Variants in SLC41A2 observed in about 807,000 individuals in gnomAD.
SLC41A2 encodes SLC41A1-like 1.
SLC41A2 carries 32 observed loss-of-function variants against 58.3 expected under a neutral mutation model. The ratio of observed to expected loss-of-function variants is 0.55; its 90% CI spans 0.41 to 0.74. SLC41A2 has a LOEUF of 0.74. Ranked by LOEUF, SLC41A2 falls within the 30% of genes least tolerant of loss-of-function variation. SLC41A2 has a pLI of 0.00. For synonymous variants in SLC41A2, 190 were observed against 235.0 expected (o/e 0.81, Z 1.75); for missense variants, 514 against 680.6 (o/e 0.76, Z 2.72).
At chr12:104,886,529 C>T in intron 5 of SLC41A2, 90 bp from the exon 6 acceptor site, 1 of 1,340,118 alleles carries the variant, frequency 7.5e-7, no homozygotes, top group Non-Finnish European at 1.0e-6. Context: ...AGAAAAACAG[C>T]ATATCAATTC....
intron 3 of SLC41A2, among the ~76,000 whole-genome samples, chr12:104,906,995 TTTTC>T (rs1481735944): frequency 6.6e-6 from 1 of 152,190 alleles, no homozygotes; most frequent in Non-Finnish European, 1.5e-5. Flanking sequence ...TCCTGTTTGA[TTTTC>T]TTTACTTCCC....
intron 8 of SLC41A2, among the ~76,000 whole-genome samples, chr12:104,858,244 A>G (rs1167064343): frequency 3.9e-5 from 6 of 152,212 alleles, no homozygotes; most frequent in Non-Finnish European, 8.8e-5. Flanking sequence ...ATGAACACAG[A>G]TATGCCTTAA....
chr12:104,870,507 T>C (rs1380729347), intron 6 of SLC41A2, among the ~76,000 whole-genome samples: 3 of 152,232 alleles, frequency 2.0e-5, no homozygotes, highest in East Asian at 1.9e-4. Flanking sequence ...AGATAACTAA[T>C]ACATGCATAT....
At chr12:104,956,517 A>G (rs896012030) in intron 1 of SLC41A2, among the ~76,000 whole-genome samples, 2 of 152,134 alleles carry the variant, frequency 1.3e-5, no homozygotes, top group Admixed American at 6.5e-5. Flanking sequence ...CGTCTCTACT[A>G]AAAATACAAA....
intron 1 of SLC41A2, chr12:104,951,377 T>G (rs967106572): frequency 1.3e-5 from 2 of 152,332 alleles, no homozygotes; most frequent in East Asian, 3.9e-4. Flanking sequence ...AAAATTTGAT[T>G]TTGGCATTCC....
At chr12:104,878,104 G>A (rs2044145488) in intron 6 of SLC41A2, among the ~76,000 whole-genome samples, 1 of 151,710 alleles carries the variant, frequency 6.6e-6, no homozygotes, top group Non-Finnish European at 1.5e-5. Context: ...GAATCTCATA[G>A]TACTTAATTC....
chr12:104,849,038 C>T (rs1194104756), intron 8 of SLC41A2, among the ~76,000 whole-genome samples: 1 of 151,986 alleles, frequency 6.6e-6, no homozygotes, highest in Non-Finnish European at 1.5e-5. Context: ...AATTTGATCC[C>T]CACTCATATC....
intron 2 of SLC41A2, among the ~76,000 whole-genome samples, chr12:104,927,736 G>A (rs2046899994): frequency 6.6e-6 from 1 of 152,094 alleles, no homozygotes; most frequent in Non-Finnish European, 1.5e-5. Flanking sequence ...TCCAAGGTCT[G>A]TAGAGAAGAG....
chr12:104,917,523 C>G (rs2046381285), intron 2 of SLC41A2, among the ~76,000 whole-genome samples: 1 of 151,912 alleles, frequency 6.6e-6, no homozygotes, highest in South Asian at 2.1e-4. Context: ...GACACATGCA[C>G]ATGTATGTTT....
chr12:104,911,426 GATAT>G (rs1429589800), intron 2 of SLC41A2, among the ~76,000 whole-genome samples: 2 of 151,818 alleles, frequency 1.3e-5, no homozygotes, highest in Non-Finnish European at 2.9e-5. Flanking sequence ...AGATATTAAA[GATAT>G]ATATAAAGAT....
intron 6 of SLC41A2, among the ~76,000 whole-genome samples, chr12:104,871,817 G>T (rs1283397146): frequency 6.6e-6 from 1 of 152,096 alleles, no homozygotes; most frequent in Non-Finnish European, 1.5e-5. Flanking sequence ...GTGCTACAAA[G>T]AAATAAAATA....
intron 1 of SLC41A2, 78 bp from the exon 2 acceptor site, chr12:104,928,772 A>T (rs887627104): frequency 6.2e-6 from 2 of 321,682 alleles, no homozygotes; most frequent in Non-Finnish European, 1.1e-5. Context: ...CAATTCTTAT[A>T]AAGGTATTAA....
At chr12:104,872,678 C>T (rs1197252484) in intron 6 of SLC41A2, among the ~76,000 whole-genome samples, 3 of 151,520 alleles carry the variant, frequency 2.0e-5, no homozygotes, top group Admixed American at 6.6e-5. Context: ...TGCAGTGAGC[C>T]GAGATCACAC....
At chr12:104,885,544 T>C (rs2044614625) in intron 6 of SLC41A2, among the ~76,000 whole-genome samples, 1 of 152,196 alleles carries the variant, frequency 6.6e-6, no homozygotes, top group Admixed American at 6.5e-5. Context: ...TATACTCATG[T>C]TTTTTTCTTG....
At position 104,804,171 on chromosome 12, in the gene SLC41A2, A is replaced by AAT. The variant is rs1347900827; in HGVS notation, c.*979_*980dup. On this transcript the variant is annotated 3_prime_UTR_variant, in exon 11 of 11. Transcript: ENST00000258538. ...AAAAAAAAAAAAAAAAAAAAAAAAG[A>AAT]ATATAGGTAACAAATAGTAAATTCT... 1 of 142,006 alleles carries AAT rather than the reference A, an allele frequency of 7.0e-6. No homozygotes were observed. The highest frequency in any genetic ancestry group is 2.6e-5 in the African/African-American group (1 of 38,052). The allele number at this position is 142,006 out of a possible 1,614,324, so 8.8% of individuals were successfully genotyped here.
chr12:104,825,157 G>A (rs1025741314), intron 10 of SLC41A2, among the ~76,000 whole-genome samples: 3 of 152,188 alleles, frequency 2.0e-5, no homozygotes, highest in Non-Finnish European at 2.9e-5. Flanking sequence ...GCCACCAAAG[G>A]TGCAAATCAG....
At chr12:104,853,934 T>TTTTA (rs1412379027) in intron 8 of SLC41A2, among the ~76,000 whole-genome samples, 1 of 141,780 alleles carries the variant, frequency 7.1e-6, no homozygotes, top group African/African-American at 2.6e-5. Flanking sequence ...TTTTTTTTTT[T>TTTTA]TTTTTAGTAG....
intron 6 of SLC41A2, 118 bp downstream of exon 6, chr12:104,886,175 G>A: frequency 9.8e-7 from 1 of 1,018,788 alleles, no homozygotes; most frequent in Non-Finnish European, 1.4e-6. Flanking sequence ...ATCCTAATCA[G>A]TCTCAACAGC....
In SLC41A2 at chr12:104,820,414, T is replaced by C. The variant is rs540062736; in HGVS notation, c.1537-15077A>G. ...AGGAGTTCAAGGTTACAGTGAGCTATAATCATGCTACTGCACTGCAGCCTG... is the reference window on the plus strand; with the variant it reads ...AGGAGTTCAAGGTTACAGTGAGCTACAATCATGCTACTGCACTGCAGCCTG... On this transcript the variant is annotated intron_variant, in intron 10 of 10. Coordinates refer to ENST00000258538, the MANE Select transcript of SLC41A2 (RefSeq NM_001352171.3). 6.0e-4 allele frequency among the ~76,000 whole-genome samples: 91 copies of C among 152,322 alleles called. No homozygotes were observed. In the South Asian group the frequency reaches 0.013, roughly 22 times the overall value.
Sources: allele counts gnomAD v4.1 joint callset (sites outside exome capture counted in the v4.1 genomes callset), GRCh38; gene constraint gnomAD v4.1.1; transcripts MANE v1.5; gene names NCBI Gene and HGNC (gene_info 2026-07-23, HGNC 2026-07-21).